Variants in PPP1R12B observed in about 807,000 individuals in gnomAD.
PPP1R12B encodes the protein myosin phosphatase target subunit 2.
PPP1R12B carries 76 observed loss-of-function variants against 126.1 expected under a neutral mutation model. The ratio of observed to expected loss-of-function variants is 0.60; its 90% CI spans 0.50 to 0.73. PPP1R12B has a LOEUF of 0.73. Among genes scored for constraint, PPP1R12B ranks in the 30% least tolerant of loss-of-function variants. The pLI is 0.00. For missense variants in PPP1R12B, 1,052 were observed against 1,205.1 expected (o/e 0.87, Z 1.88); for synonymous variants, 356 against 434.7 (o/e 0.82, Z 2.25).
At chr1:202,444,142 G>C (rs928570977) in intron 12 of PPP1R12B, among the ~76,000 whole-genome samples, 5 of 152,158 alleles carry the variant, frequency 3.3e-5, no homozygotes, top group African/African-American at 1.2e-4. Context: ...TCATTTCCCA[G>C]CTATGCCAAA....
chr1:202,548,702 C>T (rs1685919758), intron 18 of PPP1R12B, among the ~76,000 whole-genome samples: 1 of 150,928 alleles, frequency 6.6e-6, no homozygotes, highest in Admixed American at 6.6e-5. Context: ...AAGGCTGAGG[C>T]AGAAGGATCA....
rs547686142 is a variant in PPP1R12B at position 202,547,378 on chromosome 1, A to G, written c.2491-11499A>G. Among the ~76,000 whole-genome samples the G allele has an allele frequency of 3.9e-5, 6 of 152,282 alleles. No homozygotes were observed. In the East Asian group the frequency reaches 9.6e-4, roughly 24 times the overall value. On this transcript the variant is annotated intron_variant, in intron 18 of 23. Transcript: ENST00000608999. ...ATGCAGTGAGTGATGGTTATCCACA[A>G]CTGGGATGTTAGTTCTCATAACAGT...
chr1:202,389,205 G>A (rs2148515609), intron 1 of PPP1R12B, among the ~76,000 whole-genome samples: 2 of 152,282 alleles, frequency 1.3e-5, no homozygotes, highest in East Asian at 3.9e-4. Context: ...GGAGGGAGAA[G>A]ACTTCCTGAG....
intron 1 of PPP1R12B, among the ~76,000 whole-genome samples, chr1:202,414,158 G>A (rs1055310614): frequency 2.0e-5 from 3 of 152,184 alleles, no homozygotes; most frequent in African/African-American, 7.2e-5. Flanking sequence ...CTGACCTCAG[G>A]TGATCCACCT....
chr1:202,447,670 G>A (rs1416431978), intron 12 of PPP1R12B, among the ~76,000 whole-genome samples: 1 of 152,138 alleles, frequency 6.6e-6, no homozygotes, highest in Non-Finnish European at 1.5e-5. Context: ...GTCCTATTAT[G>A]TAATTTAATA....
At chr1:202,557,074 A>T (rs765977496) in intron 18 of PPP1R12B, among the ~76,000 whole-genome samples, 11 of 152,184 alleles carry the variant, frequency 7.2e-5, no homozygotes, top group Non-Finnish European at 1.5e-4. Context: ...TGCAGCCTCG[A>T]CCTCTTGTGC....
intron 13 of PPP1R12B, among the ~76,000 whole-genome samples, chr1:202,463,821 TAG>T (rs1245761381): frequency 6.6e-6 from 1 of 152,184 alleles, no homozygotes; most frequent in Non-Finnish European, 1.5e-5. Flanking sequence ...TTTAGTTCTG[TAG>T]AGAGAGCACT....
chr1:202,348,883 G>A lies in PPP1R12B; in HGVS notation c.32G>A (p.Arg11Gln), dbSNP rs866654318. The A allele has an allele frequency of 6.2e-7, 1 of 1,610,668 alleles. No homozygotes were observed. The highest frequency in any genetic ancestry group is 8.5e-7 in the Non-Finnish European group (1 of 1,179,294). ...GAACTGGAGCACCTAGGAGGGAAGC[G>A]GGCAGAGTCGGCGCGAATGCGGCGG... is the stretch of plus-strand genomic sequence containing the variant. The part of the protein sequence containing the change: MAELEHLGGK[R>Q]AESARMRRAE... Residue 11 changes from arginine (R) to glutamine (Q), a missense_variant, in exon 1 of 24, where the codon CGG becomes CAG. Transcript: ENST00000608999.
At position 202,442,548 on chromosome 1, in the gene PPP1R12B, C is replaced by G; in HGVS notation, c.1643C>G (p.Thr548Ser). Residue 548 changes from threonine to serine, a missense_variant, in exon 12 of 24, where the codon ACC becomes AGC. Transcript: ENST00000608999. ...NEIPQTIAPS[T>S]YVSTYLKRTP... ...ATCCCACAGACAATTGCTCCCTCCA[C>G]CTATGTATCAACTTACTTGAAAAGG... 6.2e-7 allele frequency: 1 copy of G among 1,612,978 alleles called. No individual in the cohort carries two copies. The highest frequency in any genetic ancestry group is 1.1e-5 in the South Asian group (1 of 90,962).
At chr1:202,479,844 A>T (rs1247498467) in intron 13 of PPP1R12B, among the ~76,000 whole-genome samples, 1 of 152,190 alleles carries the variant, frequency 6.6e-6, no homozygotes, top group Non-Finnish European at 1.5e-5. Context: ...AGAAATTTGT[A>T]TTGCATAAGC....
chr1:202,389,609 A>G (rs540337712), intron 1 of PPP1R12B, among the ~76,000 whole-genome samples: 8 of 151,066 alleles, frequency 5.3e-5, no homozygotes, highest in Admixed American at 6.6e-5. Flanking sequence ...CCACTGCACA[A>G]TGGGAAGTAG....
chr1:202,406,978 A>G (rs1377265092), intron 1 of PPP1R12B, among the ~76,000 whole-genome samples: 1 of 152,220 alleles, frequency 6.6e-6, no homozygotes, highest in Non-Finnish European at 1.5e-5. Context: ...GTAACAAAGT[A>G]GAGATTTGGA....
intron 1 of PPP1R12B, 31 bp downstream of exon 1, chr1:202,349,173 A>G (rs749253082): frequency 1.9e-6 from 3 of 1,610,118 alleles, no homozygotes; most frequent in Non-Finnish European, 2.5e-6. Flanking sequence ...AGAGGCGTCC[A>G]GTCTCCTACA....
rs182067177 is a variant in PPP1R12B at position 202,529,094 on chromosome 1, A to G, written c.2491-29783A>G. On this transcript the variant is annotated intron_variant, in intron 18 of 23. Coordinates refer to ENST00000608999, the MANE Select transcript of PPP1R12B (RefSeq NM_002481.4). Reference sequence around the variant, plus strand: ...ATGAGAGGGTAAACCTAGTAGTACAATGGCATCTTTCATCTTCAACTATTT... The same window carrying G: ...ATGAGAGGGTAAACCTAGTAGTACAGTGGCATCTTTCATCTTCAACTATTT... Among the ~76,000 whole-genome samples the G allele has an allele frequency of 1.9e-3, 294 of 152,322 alleles. 1 individual carries two copies. The highest frequency in any genetic ancestry group is 3.4e-3 in the Middle Eastern group (1 of 294).
intron 18 of PPP1R12B, among the ~76,000 whole-genome samples, chr1:202,556,514 T>G (rs1686956430): frequency 6.6e-6 from 1 of 152,148 alleles, no homozygotes; most frequent in Non-Finnish European, 1.5e-5. Context: ...TTTTAAAAAA[T>G]GTATGTATCT....
At chr1:202,513,269 C>A (rs1445975790) in intron 18 of PPP1R12B, among the ~76,000 whole-genome samples, 1 of 152,088 alleles carries the variant, frequency 6.6e-6, no homozygotes, top group Admixed American at 6.6e-5. Flanking sequence ...CCACTATGCC[C>A]AGCCTGTTTC....
chr1:202,363,246 G>A (rs1658537097), intron 1 of PPP1R12B, among the ~76,000 whole-genome samples: 1 of 152,146 alleles, frequency 6.6e-6, no homozygotes, highest in African/African-American at 2.4e-5. Context: ...TACAAACATG[G>A]CATACAACTG....
At chr1:202,388,627 G>T (rs1663566690) in intron 1 of PPP1R12B, among the ~76,000 whole-genome samples, 1 of 152,096 alleles carries the variant, frequency 6.6e-6, no homozygotes, top group Admixed American at 6.6e-5. Context: ...TATTGATCTA[G>T]TAGTACTACA....
intron 13 of PPP1R12B, among the ~76,000 whole-genome samples, chr1:202,463,531 C>A (rs1674584524): frequency 6.6e-6 from 1 of 152,082 alleles, no homozygotes; most frequent in Non-Finnish European, 1.5e-5. Context: ...AGGGCAATTA[C>A]AGAAAGAAGC....
Sources: gnomAD v4.1 joint callset for allele counts (sites outside exome capture counted in the v4.1 genomes callset) on GRCh38, gnomAD v4.1.1 for gene constraint, MANE v1.5 for transcripts, NCBI Gene and HGNC (gene_info 2026-07-23, HGNC 2026-07-21) for gene names.